The following HS6ST3 variants were observed in gnomAD, a reference collection of about 807,000 sequenced individuals.
HS6ST3 encodes the protein heparan sulfate 6-O-sulfotransferase 3.
In HS6ST3, 12 loss-of-function variants were observed where a neutral mutation model predicts 36.7. The observed-to-expected ratio is 0.33, with a 90% CI of 0.21 to 0.53. The LOEUF is 0.53. Among genes scored for constraint, HS6ST3 ranks in the 20% least tolerant of loss-of-function variants. The pLI, the probability that HS6ST3 is intolerant of heterozygous loss-of-function variation, is 0.95. For synonymous variants in HS6ST3, 240 were observed against 257.5 expected (o/e 0.93, Z 0.65); for missense variants, 584 against 640.9 (o/e 0.91, Z 0.96).
chr13:96,230,459 A>G (rs1417703439), intron 1 of HS6ST3, among the ~76,000 whole-genome samples: 2 of 152,186 alleles, frequency 1.3e-5, no homozygotes, highest in Admixed American at 6.5e-5. Context: ...TTCCAAGTGT[A>G]ACTATTCAGA....
chr13:96,684,727 A>G (rs1874721873), intron 1 of HS6ST3, among the ~76,000 whole-genome samples: 2 of 152,036 alleles, frequency 1.3e-5, no homozygotes, highest in Admixed American at 1.3e-4. Flanking sequence ...CTAACCTGTT[A>G]TCACTAGGTA....
chr13:96,453,877 G>A (rs2055741950), intron 1 of HS6ST3, among the ~76,000 whole-genome samples: 1 of 152,116 alleles, frequency 6.6e-6, no homozygotes, highest in African/African-American at 2.4e-5. Context: ...AGTCAAGTTT[G>A]ATCAAAACAT....
At chr13:96,130,969 C>T (rs1430127414) in intron 1 of HS6ST3, among the ~76,000 whole-genome samples, 2 of 152,184 alleles carry the variant, frequency 1.3e-5, no homozygotes, top group Non-Finnish European at 1.5e-5. Flanking sequence ...CAGCCCTGCT[C>T]AGCTACCTGC....
intron 1 of HS6ST3, among the ~76,000 whole-genome samples, chr13:96,153,412 G>A (rs564423170): frequency 1.2e-3 from 183 of 152,284 alleles, no homozygotes; most frequent in Non-Finnish European, 2.0e-3. Context: ...TTCTGCAGCT[G>A]CTGTAGGGAA....
chr13:96,374,658 C>G (rs2055305970), intron 1 of HS6ST3, among the ~76,000 whole-genome samples: 1 of 152,070 alleles, frequency 6.6e-6, no homozygotes, highest in Non-Finnish European at 1.5e-5. Flanking sequence ...TAGGAAAATG[C>G]CATGAGGGTC....
At chr13:96,818,471 A>G (rs1433236727) in intron 1 of HS6ST3, among the ~76,000 whole-genome samples, 1 of 152,144 alleles carries the variant, frequency 6.6e-6, no homozygotes, top group Non-Finnish European at 1.5e-5. Context: ...GTCACAAATG[A>G]GTTACTAGCC....
At chr13:96,184,970 T>C (rs777273106) in intron 1 of HS6ST3, among the ~76,000 whole-genome samples, 32 of 152,190 alleles carry the variant, frequency 2.1e-4, no homozygotes, top group Non-Finnish European at 3.4e-4. Context: ...TATATATCTA[T>C]TTAACTTTTC....
intron 1 of HS6ST3, among the ~76,000 whole-genome samples, chr13:96,445,007 T>TAA (rs113634739): frequency 6.6e-6 from 1 of 151,812 alleles, no homozygotes; most frequent in African/African-American, 2.4e-5. Flanking sequence ...GAGAAATTGT[T>TAA]AAAAAAAATG....
intron 1 of HS6ST3, among the ~76,000 whole-genome samples, chr13:96,241,689 A>C (rs1279696052): frequency 6.6e-6 from 1 of 151,746 alleles, no homozygotes; most frequent in Non-Finnish European, 1.5e-5. Flanking sequence ...TTCAAGCATA[A>C]AATATGTTAC....
At position 96,746,301 on chromosome 13, in the gene HS6ST3, T is replaced by C. The variant is rs1876560322; in HGVS notation, c.708-86189T>C. On this transcript the variant is annotated intron_variant, in intron 1 of 1. Transcript: ENST00000376705. ...TATCCAAGGTCATAGACTTGATATA[T>C]GGGAGAATTGGATTAAAACAGCTGC... 1.3e-5 allele frequency among the ~76,000 whole-genome samples: 2 copies of C among 152,050 alleles called. 1 individual carries two copies.
At chr13:96,096,434 T>C (rs1293574663) in intron 1 of HS6ST3, among the ~76,000 whole-genome samples, 1 of 152,236 alleles carries the variant, frequency 6.6e-6, no homozygotes, top group Admixed American at 6.5e-5. Flanking sequence ...TTAGCCTGGA[T>C]GGCCTTTTAT....
intron 1 of HS6ST3, among the ~76,000 whole-genome samples, chr13:96,511,142 T>A (rs559819786): frequency 6.6e-6 from 1 of 152,286 alleles, no homozygotes; most frequent in African/African-American, 2.4e-5. Context: ...TTCTACATGT[T>A]TTATCTTTTC....
chr13:96,421,758 C>G (rs767072200), intron 1 of HS6ST3, among the ~76,000 whole-genome samples: 16 of 152,190 alleles, frequency 1.1e-4, no homozygotes, highest in Non-Finnish European at 1.8e-4. Context: ...GAAAACGACT[C>G]TGGTAAAACA....
At chr13:96,326,085 A>C (rs1249465337) in intron 1 of HS6ST3, among the ~76,000 whole-genome samples, 2 of 152,126 alleles carry the variant, frequency 1.3e-5, no homozygotes, top group Non-Finnish European at 2.9e-5. Flanking sequence ...GGAAAACTGT[A>C]CTCAAATAAT....
rs113716198 is a variant in HS6ST3 at position 96,711,856 on chromosome 13, G to T, written c.708-120634G>T. ...TGTTTGTTTTTGTTTCTACATTGCG[G>T]CTTTATAATCCAGATTGTGACCAAC... On this transcript the variant is annotated intron_variant, in intron 1 of 1. Coordinates refer to ENST00000376705, the MANE Select transcript of HS6ST3 (RefSeq NM_153456.4). Among the ~76,000 whole-genome samples, 30 of 152,250 alleles carry T rather than the reference G, an allele frequency of 2.0e-4. 2 individuals are homozygous for T. Among genetic ancestry groups the T allele is most frequent in the African/African-American group, 7.2e-4 (30 of 41,554 alleles).
chr13:96,403,690 C>T (rs544291375), intron 1 of HS6ST3, among the ~76,000 whole-genome samples: 14 of 152,150 alleles, frequency 9.2e-5, no homozygotes, highest in Admixed American at 3.9e-4. Context: ...TGTATGTTTT[C>T]GGGGGACAGG....
chr13:96,178,711 C>T (rs532664167), intron 1 of HS6ST3, among the ~76,000 whole-genome samples: 32 of 152,072 alleles, frequency 2.1e-4, no homozygotes, highest in African/African-American at 7.5e-4. Context: ...TATCAGATGC[C>T]CATAGGATGG....
chr13:96,368,240 C>T (rs1241227318), intron 1 of HS6ST3, among the ~76,000 whole-genome samples: 6 of 152,118 alleles, frequency 3.9e-5, no homozygotes, highest in Non-Finnish European at 7.3e-5. Context: ...AAGTAAGGGG[C>T]TGGCAGTCAT....
intron 1 of HS6ST3, among the ~76,000 whole-genome samples, chr13:96,329,488 G>A (rs2055052895): frequency 6.8e-6 from 1 of 147,922 alleles, no homozygotes; most frequent in African/African-American, 2.6e-5. Context: ...GTAGTTGACC[G>A]GTTTTGAGTG....
Sources: allele counts gnomAD v4.1 joint callset (sites outside exome capture counted in the v4.1 genomes callset), GRCh38; gene constraint gnomAD v4.1.1; transcripts MANE v1.5; gene names NCBI Gene and HGNC (gene_info 2026-07-23, HGNC 2026-07-21).